The following RSRC1 variants were observed in gnomAD, a reference collection of about 807,000 sequenced individuals.
RSRC1 encodes arginine and serine rich coiled-coil 1.
RSRC1 carries 39 observed loss-of-function variants against 49.1 expected under a neutral mutation model. The observed-to-expected ratio is 0.79, with a 90% CI of 0.61 to 1.04. The LOEUF (loss-of-function observed/expected upper bound fraction) is 1.04, where lower values mean the gene tolerates loss of function less well. Among genes scored for constraint, RSRC1 ranks in the 50% least tolerant of loss-of-function variants. The probability of loss-of-function intolerance (pLI) is 0.00; values close to 1 mark genes in which losing one functional copy is unlikely to be tolerated. For synonymous variants in RSRC1, 143 were observed against 130.8 expected, an observed-to-expected ratio of 1.09 and a Z score of -0.63; for missense variants, 388 against 402.4, an observed-to-expected ratio of 0.96 and a Z score of 0.31.
At position 158,174,778 on chromosome 3, in the gene RSRC1, TC is replaced by T. The variant is rs1386885710; in HGVS notation, c.321-28292del. On this transcript the variant is annotated intron_variant, in intron 3 of 9. Coordinates refer to ENST00000611884, the MANE Select transcript of RSRC1 (RefSeq NM_001271838.2). Reference sequence around the variant, plus strand: ...TTTAACAATGGATATCTAGATTGTATCCATTTTGGTATTACAAAGAATGGTA... The same window carrying T: ...TTTAACAATGGATATCTAGATTGTATCATTTTGGTATTACAAAGAATGGTA... Among the ~76,000 whole-genome samples the T allele has an allele frequency of 1.8e-4, 28 of 152,114 alleles. 1 individual carries two copies. Among genetic ancestry groups the T allele is most frequent in the Non-Finnish European group, 5.9e-5 (4 of 67,936 alleles).
At chr3:158,463,473 T>C (rs1737723741) in intron 7 of RSRC1, among the ~76,000 whole-genome samples, 1 of 152,130 alleles carries the variant, frequency 6.6e-6, no homozygotes, top group Non-Finnish European at 1.5e-5. Context: ...TAAAAATCCT[T>C]TATTTTCAGT....
chr3:158,261,729 A>T (rs1383568495), intron 4 of RSRC1, among the ~76,000 whole-genome samples: 2 of 152,202 alleles, frequency 1.3e-5, no homozygotes, highest in African/African-American at 4.8e-5. Context: ...CATGTGAAGG[A>T]TCTAGGTTGC....
intron 6 of RSRC1, among the ~76,000 whole-genome samples, chr3:158,415,815 T>C (rs1439123683): frequency 6.6e-6 from 1 of 152,022 alleles, no homozygotes; most frequent in African/African-American, 2.4e-5. Flanking sequence ...TTATAATTGG[T>C]TCATGGAAGT....
At chr3:158,422,257 G>C (rs1341773949) in intron 6 of RSRC1, among the ~76,000 whole-genome samples, 11 of 126,098 alleles carry the variant, frequency 8.7e-5, no homozygotes, top group African/African-American at 3.1e-4. Flanking sequence ...ACCAGAGTGT[G>C]ATGTTCCCCT....
rs1172665173 is a variant in RSRC1, at chr3:158,429,960, C to G, written c.584-30975C>G. Among the ~76,000 whole-genome samples the G allele has an allele frequency of 2.6e-5, 4 of 151,586 alleles. No individual in the cohort carries two copies. In the East Asian group the frequency reaches 7.8e-4, roughly 30 times the overall value. ...AAGATGAATAAACTCTAGAGATCTGCTGTAAGGCATGGTACCTATAGTAAA... is the reference window on the plus strand; with the variant it reads ...AAGATGAATAAACTCTAGAGATCTGGTGTAAGGCATGGTACCTATAGTAAA... On this transcript the variant is annotated intron_variant, in intron 6 of 9. Coordinates refer to ENST00000611884, the MANE Select transcript of RSRC1 (RefSeq NM_001271838.2).
At chr3:158,329,761 T>C (rs1338974553) in intron 5 of RSRC1, among the ~76,000 whole-genome samples, 1 of 152,214 alleles carries the variant, frequency 6.6e-6, no homozygotes, top group Non-Finnish European at 1.5e-5. Context: ...TCTTCAAAGC[T>C]GTCAGACAGG....
In RSRC1 at chr3:158,507,899, C is replaced by G. The variant is rs73154315; in HGVS notation, c.653-29193C>G. ...ACCAGCCTAGGTAACATAGTGAGAC[C>G]CCATTTCAACTAAAAAAATTAAAAG... On this transcript the variant is annotated intron_variant, in intron 7 of 9. Coordinates refer to ENST00000611884, the MANE Select transcript of RSRC1 (RefSeq NM_001271838.2). Among the ~76,000 whole-genome samples the G allele has an allele frequency of 3.1e-3, 478 of 151,922 alleles. 2 individuals carry two copies. The highest frequency in any genetic ancestry group is 6.8e-3 in the Middle Eastern group (2 of 294).
At chr3:158,345,880 T>C (rs1336967068) in intron 5 of RSRC1, among the ~76,000 whole-genome samples, 2 of 149,578 alleles carry the variant, frequency 1.3e-5, no homozygotes, top group Non-Finnish European at 1.5e-5. Context: ...GGTAAATTGA[T>C]TTTTGAGAAA....
At chr3:158,120,645 T>C (rs1270164098) in intron 1 of RSRC1, among the ~76,000 whole-genome samples, 1 of 147,228 alleles carries the variant, frequency 6.8e-6, no homozygotes, top group African/African-American at 2.5e-5. Flanking sequence ...AAACATACTA[T>C]ACATAATATA....
At chr3:158,334,906 C>T (rs1729800303) in intron 5 of RSRC1, among the ~76,000 whole-genome samples, 1 of 152,092 alleles carries the variant, frequency 6.6e-6, no homozygotes, top group Non-Finnish European at 1.5e-5. Context: ...GTTGTTTCTT[C>T]CATTTCCTGT....
chr3:158,289,874 G>A (rs1399490899), intron 4 of RSRC1, among the ~76,000 whole-genome samples: 2 of 152,072 alleles, frequency 1.3e-5, no homozygotes, highest in African/African-American at 2.4e-5. Context: ...CAGGATATCT[G>A]TAGTGTTCTA....
chr3:158,331,607 A>G (rs909858081), intron 5 of RSRC1, among the ~76,000 whole-genome samples: 5 of 151,994 alleles, frequency 3.3e-5, no homozygotes, highest in African/African-American at 9.7e-5. Flanking sequence ...GTGAATTCTT[A>G]TTCTGTTAGT....
intron 7 of RSRC1, among the ~76,000 whole-genome samples, chr3:158,514,391 G>C (rs1333574577): frequency 6.6e-6 from 1 of 152,184 alleles, no homozygotes; most frequent in African/African-American, 2.4e-5. Context: ...AGTCATTCAG[G>C]AGCAGTTTGT....
intron 4 of RSRC1, among the ~76,000 whole-genome samples, chr3:158,234,802 ACT>A (rs762155293): frequency 4.0e-5 from 6 of 151,420 alleles, no homozygotes; most frequent in Admixed American, 1.3e-4. Context: ...ATCTTTAATC[ACT>A]CTTTCTTAAA....
intron 7 of RSRC1, among the ~76,000 whole-genome samples, chr3:158,533,219 C>T (rs1200420644): frequency 6.6e-6 from 1 of 151,620 alleles, no homozygotes; most frequent in Non-Finnish European, 1.5e-5. Context: ...GTGAATCTTT[C>T]AAATTTTAAT....
rs1024535311 is a variant in RSRC1 at position 158,539,622 on chromosome 3, C to T, written c.759+2424C>T. Among the ~76,000 whole-genome samples, 1 of 151,880 alleles carries T rather than the reference C, an allele frequency of 6.6e-6. No homozygotes were observed. Among genetic ancestry groups the T allele is most frequent in the Admixed American group, 6.6e-5 (1 of 15,224 alleles). On this transcript the variant is annotated intron_variant, in intron 8 of 9. Transcript: ENST00000611884. The surrounding 1 kb of genome is among the most constrained non-coding windows in gnomAD (Gnocchi z 4.1). ...TACAAACTAAACCACCAGGTGGCAG[C>T]GCTACTCAAAGCCATATATTTCATA...
chr3:158,504,281 C>T (rs1288605671), intron 7 of RSRC1, among the ~76,000 whole-genome samples: 1 of 152,182 alleles, frequency 6.6e-6, no homozygotes, highest in Non-Finnish European at 1.5e-5. Flanking sequence ...TGTGGGTCCT[C>T]TCCGGATTGC....
chr3:158,257,527 CTTT>C (rs1409236322), intron 4 of RSRC1, among the ~76,000 whole-genome samples: 1 of 151,900 alleles, frequency 6.6e-6, no homozygotes, highest in Non-Finnish European at 1.5e-5. Flanking sequence ...GTCTGGCTGT[CTTT>C]TTAAGTGATG....
intron 3 of RSRC1, among the ~76,000 whole-genome samples, chr3:158,167,437 C>T (rs573078849): frequency 3.0e-4 from 46 of 152,266 alleles, no homozygotes; most frequent in African/African-American, 9.6e-4. Context: ...GTGATCCACC[C>T]GCCTTGGCCT....
Sources: gnomAD v4.1 joint callset for allele counts (sites outside exome capture counted in the v4.1 genomes callset) on GRCh38, gnomAD v4.1.1 for gene constraint, Gnocchi (gnomAD v3.1) non-coding constraint, MANE v1.5 for transcripts, NCBI Gene and HGNC (gene_info 2026-07-23, HGNC 2026-07-21) for gene names.